The following MAPT variants were observed in gnomAD, a reference collection of about 807,000 sequenced individuals.
MAPT encodes microtubule-associated protein tau.
In MAPT, 34 loss-of-function variants were observed where a neutral mutation model predicts 67.9. That is an observed-to-expected ratio of 0.50 (90% CI 0.38 to 0.67). MAPT has a LOEUF of 0.67. Among genes scored for constraint, MAPT ranks in the 30% least tolerant of loss-of-function variants. The pLI is 0.00. For synonymous variants in MAPT, 456 were observed against 464.5 expected, an observed-to-expected ratio of 0.98 and a Z score of 0.23; for missense variants, 881 against 1,115.2, an observed-to-expected ratio of 0.79 and a Z score of 2.99.
At chr17:45,923,404 G>A (rs887450913) in intron 1 of MAPT, among the ~76,000 whole-genome samples, 7 of 152,158 alleles carry the variant, frequency 4.6e-5, no homozygotes, top group Admixed American at 6.5e-5. Context: ...CTAACTCAAG[G>A]GCATGAGACA....
chr17:45,954,421 T>C (rs1337479776), intron 1 of MAPT, among the ~76,000 whole-genome samples: 9 of 152,084 alleles, frequency 5.9e-5, no homozygotes, highest in Non-Finnish European at 1.2e-4. Context: ...CTGGAGTTCA[T>C]GACCAGCCTG....
intron 9 of MAPT, among the ~76,000 whole-genome samples, chr17:45,997,495 C>A (rs1004182014): frequency 6.6e-6 from 1 of 152,216 alleles, no homozygotes; most frequent in African/African-American, 2.4e-5. Flanking sequence ...CGTAGTGGCT[C>A]ACGCCTATAA....
chr17:46,020,267 G>A (rs113433390), intron 12 of MAPT, among the ~76,000 whole-genome samples: 107 of 152,312 alleles, frequency 7.0e-4, no homozygotes, highest in African/African-American at 2.5e-3. Context: ...GTCCCCAGCA[G>A]TTTCTAGTCT....
At chr17:45,959,055 T>G (rs532513338) in intron 1 of MAPT, among the ~76,000 whole-genome samples, 2 of 152,230 alleles carry the variant, frequency 1.3e-5, no homozygotes, top group South Asian at 4.2e-4. Flanking sequence ...AGAGCGAGAC[T>G]CTGTCCCAGA....
intron 1 of MAPT, chr17:45,932,090 G>GA (rs57389672): frequency 0.16 from 21,604 of 139,360 alleles, 2,090 homozygotes; most frequent in Middle Eastern, 0.25. Flanking sequence ...CTCAAAAAAA[G>GA]AAAAAAAAAA....
chr17:45,925,763 GA>G (rs1252364050), intron 1 of MAPT, among the ~76,000 whole-genome samples: 1 of 146,914 alleles, frequency 6.8e-6, no homozygotes, highest in African/African-American at 2.4e-5. Flanking sequence ...GAATGCACAG[GA>G]AAAAAATGTA....
chr17:45,945,249 G>T (rs1382332248), intron 1 of MAPT, among the ~76,000 whole-genome samples: 3 of 152,186 alleles, frequency 2.0e-5, no homozygotes, highest in Admixed American at 6.5e-5. Flanking sequence ...GATAATAACA[G>T]CCCCTTGCAC....
chr17:45,908,929 G>A (rs1383647001), intron 1 of MAPT, among the ~76,000 whole-genome samples: 1 of 152,200 alleles, frequency 6.6e-6, no homozygotes, highest in Admixed American at 6.5e-5. Flanking sequence ...CCTATAAATT[G>A]TATTAAGGGT....
In MAPT at chr17:45,983,438, C is replaced by T. The variant is rs916080507; in HGVS notation, c.859C>T (p.Pro287Ser). The T allele has an allele frequency of 1.2e-6, 2 of 1,606,318 alleles. No individual in the cohort carries two copies. Among genetic ancestry groups the T allele is most frequent in the East Asian group, 2.2e-5 (1 of 44,738 alleles). The change falls in exon 5 of 13, where the codon CCG becomes TCG. Residue 287 changes from proline (P) to serine (S), a missense_variant. Coordinates refer to ENST00000262410, the MANE Select transcript of MAPT (RefSeq NM_001377265.1). ...GAAGGGGGCAGGGGGCAAAGAGAGG[C>T]CGGGGAGCAAGGAGGAGGTGGATGA... Reference protein sequence around the residue: ...PLKGAGGKERPGSKEEVDEDR... With the variant: ...PLKGAGGKERSGSKEEVDEDR...
chr17:46,023,930 C>G lies in MAPT; in HGVS notation c.2287-26C>G, dbSNP rs750265762. 6.2e-6 allele frequency: 10 copies of G among 1,602,446 alleles called. No individual in the cohort carries two copies. The South Asian group carries it at 9.9e-5, about 16-fold the overall frequency. ...GGTCTTTCTCTGGCACTTCATCTCA[C>G]CCTCCCTCCCTTCCTCTTCTTGCAG... On this transcript the variant is annotated intron_variant, in intron 12 of 12. Coordinates refer to ENST00000262410, the MANE Select transcript of MAPT (RefSeq NM_001377265.1).
chr17:45,968,753 T>C (rs1338868294), intron 2 of MAPT, among the ~76,000 whole-genome samples: 1 of 152,228 alleles, frequency 6.6e-6, no homozygotes, highest in Admixed American at 6.5e-5. Context: ...TTCCTGCTGG[T>C]GAGCATGAGC....
chr17:45,963,755 G>A (rs1319750241), intron 2 of MAPT, among the ~76,000 whole-genome samples: 1 of 152,184 alleles, frequency 6.6e-6, no homozygotes, highest in Non-Finnish European at 1.5e-5. Flanking sequence ...GGGGTCTCTG[G>A]GAGGTCCCCT....
Position 45,990,029 on chromosome 17 carries a change from TC to T in MAPT, c.1560del (p.Thr521LeufsTer12), listed in dbSNP as rs1334957142. The T allele has an allele frequency of 1.2e-6, 2 of 1,614,140 alleles. No homozygotes were observed. Among genetic ancestry groups the T allele is most frequent in the Non-Finnish European group, 8.5e-7 (1 of 1,180,040 alleles). On this transcript the variant is annotated frameshift_variant, in exon 7 of 13. Transcript: ENST00000262410. LOFTEE classifies it high-confidence loss of function. ...PPSSPKYVSS[V>X]TSRTGSSGAK... ...TCCTCTCCTAAATACGTCTCTTCTG[TC>T]ACTTCCCGAACTGGCAGTTCTGGAG... is the stretch of plus-strand genomic sequence containing the variant.
At chr17:45,943,651 G>A (rs1227382691) in intron 1 of MAPT, among the ~76,000 whole-genome samples, 1 of 152,018 alleles carries the variant, frequency 6.6e-6, no homozygotes, top group Non-Finnish European at 1.5e-5. Flanking sequence ...CATTTTCTGT[G>A]GCCTTTCAAA....
At position 45,936,441 on chromosome 17, in the gene MAPT, C is replaced by T. The variant is rs533202624; in HGVS notation, c.-17-25880C>T. On this transcript the variant is annotated intron_variant, in intron 1 of 12. Transcript: ENST00000262410. The stretch of plus-strand genomic sequence containing the variant: ...CACATGCGTGGGCATGGGACACTCA[C>T]GTAGCCTCCAAGCACAGCATCAATA... Among the ~76,000 whole-genome samples the T allele has an allele frequency of 7.9e-5, 12 of 152,332 alleles. 1 individual carries two copies. In the South Asian group the frequency reaches 1.4e-3, roughly 18 times the overall value.
intron 1 of MAPT, among the ~76,000 whole-genome samples, chr17:45,916,612 G>C (rs2065227456): frequency 6.6e-6 from 1 of 152,196 alleles, no homozygotes; most frequent in Non-Finnish European, 1.5e-5. Flanking sequence ...CCAAATGTGT[G>C]ACAGCCTTCA....
intron 8 of MAPT, among the ~76,000 whole-genome samples, chr17:45,991,904 C>A (rs951477474): frequency 3.3e-5 from 5 of 152,054 alleles, no homozygotes; most frequent in Non-Finnish European, 7.4e-5. Context: ...CCTACCTCAG[C>A]CTCCCTAGTA....
In MAPT at chr17:45,896,965, C is replaced by T. The variant is rs1432156795; in HGVS notation, c.-18+2279C>T. 1 of 147,440 alleles carries T rather than the reference C, an allele frequency of 6.8e-6. No homozygotes were observed. 9.1% of individuals were successfully genotyped at this position (147,440 alleles called of 1,614,324 possible). ...ACGGAAGAGCATCTAGGAGCTGAAT[C>T]CTCCACGCGGGTCGCCCAGGTTGAT... On this transcript the variant is annotated intron_variant, in intron 1 of 12. Transcript: ENST00000262410. The surrounding 1 kb of genome is among the most constrained non-coding windows in gnomAD (Gnocchi z 5.6).
intron 9 of MAPT, among the ~76,000 whole-genome samples, chr17:45,998,063 C>T (rs867018770): frequency 6.6e-6 from 1 of 152,204 alleles, no homozygotes; most frequent in Admixed American, 6.5e-5. Flanking sequence ...CTTCTGGGCA[C>T]TGGGCCTCGG....
Sources: allele counts gnomAD v4.1 joint callset (sites outside exome capture counted in the v4.1 genomes callset), GRCh38; gene constraint gnomAD v4.1.1; non-coding constraint Gnocchi (gnomAD v3.1); transcripts MANE v1.5; gene names NCBI Gene and HGNC (gene_info 2026-07-23, HGNC 2026-07-21).